Variants in NFIB observed in about 807,000 individuals in gnomAD.
NFIB encodes the protein nuclear factor I B.
In NFIB, 11 loss-of-function variants were observed where a neutral mutation model predicts 61.5. The observed-to-expected ratio is 0.18, with a 90% confidence interval of 0.11 to 0.30. The LOEUF is 0.30. Ranked by LOEUF, NFIB falls within the 10% of genes least tolerant of loss-of-function variation. The probability of loss-of-function intolerance (pLI) is 1.00; values close to 1 mark genes in which losing one functional copy is unlikely to be tolerated. For missense variants in NFIB, 471 were observed against 608.9 expected, an observed-to-expected ratio of 0.77 and a Z score of 2.38; for synonymous variants, 260 against 216.5, an observed-to-expected ratio of 1.20 and a Z score of -1.76.
At chr9:14,261,844 C>T (rs140172485) in intron 2 of NFIB, among the ~76,000 whole-genome samples, 2 of 152,218 alleles carry the variant, frequency 1.3e-5, no homozygotes, top group Admixed American at 6.5e-5. Context: ...AATGGAAATT[C>T]GGGGAAGGAA....
intron 5 of NFIB, 147 bp downstream of exon 5, chr9:14,149,998 T>A: frequency 8.4e-7 from 1 of 1,185,500 alleles, no homozygotes; most frequent in Non-Finnish European, 1.2e-6. Flanking sequence ...CAAATAAATT[T>A]AACCAGGAAA....
At chr9:14,196,744 G>T (rs892215535) in intron 2 of NFIB, among the ~76,000 whole-genome samples, 15 of 150,120 alleles carry the variant, frequency 1.0e-4, no homozygotes, top group African/African-American at 3.7e-4. Context: ...CAGAACTATG[G>T]AGTCTACAAG....
At chr9:14,237,763 A>AGTGTGTGTGTGTGTGTGT (rs71321971) in intron 2 of NFIB, among the ~76,000 whole-genome samples, 1 of 85,068 alleles carries the variant, frequency 1.2e-5, no homozygotes, top group African/African-American at 4.7e-5. Context: ...TAGGTATAAC[A>AGTGTGTGTGTGTGTGTGT]GTGTGTGTGT....
At chr9:14,436,296 T>C in the NFIB span, among the ~76,000 whole-genome samples, 1 of 152,180 alleles carries the variant, frequency 6.6e-6, no homozygotes, top group Non-Finnish European at 1.5e-5. Context: ...AAATCTTAGG[T>C]GAACATCACT....
the NFIB span, among the ~76,000 whole-genome samples, chr9:14,521,669 TAATGG>T: frequency 3.9e-5 from 6 of 152,200 alleles, no homozygotes; most frequent in Non-Finnish European, 7.3e-5. Context: ...TTTGTTCAGT[TAATGG>T]AATCTTTCAA....
At chr9:14,441,145 A>G in the NFIB span, among the ~76,000 whole-genome samples, 1 of 152,018 alleles carries the variant, frequency 6.6e-6, no homozygotes, top group African/African-American at 2.4e-5. Context: ...AAAAAAAAAA[A>G]AAAAAAAGGA....
At chr9:14,509,225 C>A in the NFIB span, among the ~76,000 whole-genome samples, 1 of 152,092 alleles carries the variant, frequency 6.6e-6, no homozygotes, top group South Asian at 2.1e-4. Context: ...CAGACACTTT[C>A]TGGATAATTT....
chr9:14,178,998 T>C (rs562221584), intron 3 of NFIB, among the ~76,000 whole-genome samples: 1 of 152,294 alleles, frequency 6.6e-6, no homozygotes, highest in South Asian at 2.1e-4. Context: ...AGCACTCTTT[T>C]ACTAAAGTCA....
At chr9:14,309,485 G>A (rs1457975505) in intron 1 of NFIB, among the ~76,000 whole-genome samples, 1 of 152,182 alleles carries the variant, frequency 6.6e-6, no homozygotes, top group Non-Finnish European at 1.5e-5. Flanking sequence ...ATACCCAAAT[G>A]CCATAGAGGA....
chr9:14,094,252 G>C (rs868064483), intron 10 of NFIB: 1 of 152,078 alleles, frequency 6.6e-6, no homozygotes, highest in Non-Finnish European at 1.5e-5. Context: ...AATTATGCAA[G>C]AGACTTTGTG....
rs941427869 is a variant in NFIB at position 14,135,041 on chromosome 9, G to A, written c.926-9275C>T. On this transcript the variant is annotated intron_variant, in intron 6 of 10. Coordinates refer to ENST00000380953, the MANE Select transcript of NFIB (RefSeq NM_001190737.2). ...TACATTCATAGAAATAGAACGCACC[G>A]AAATGCAGAAAAATACATAGAAAAA... is the stretch of plus-strand genomic sequence containing the variant. Among the ~76,000 whole-genome samples, 37 of 151,476 alleles carry A rather than the reference G, an allele frequency of 2.4e-4. 4 individuals carry two copies. The highest frequency in any genetic ancestry group is 1.4e-3 in the Admixed American group (21 of 15,190).
rs1416329736 is a variant in NFIB at position 14,082,600 on chromosome 9, T to C, written c.*5709A>G. 4.8e-6 allele frequency: 1 copy of C among 206,294 alleles called. No homozygotes were observed. Among genetic ancestry groups the C allele is most frequent in the Non-Finnish European group, 9.9e-6 (1 of 100,936 alleles). 12.8% of individuals were successfully genotyped at this position (206,294 alleles called of 1,614,324 possible). On this transcript the variant is annotated 3_prime_UTR_variant, in exon 11 of 11. Coordinates refer to ENST00000380953, the MANE Select transcript of NFIB (RefSeq NM_001190737.2). ...ATTTGAAACATATTTACAACTGAAC[T>C]CAACAGAGACTGTGAAATTGAACAG...
At chr9:14,252,583 C>T (rs2055758202) in intron 2 of NFIB, among the ~76,000 whole-genome samples, 1 of 152,036 alleles carries the variant, frequency 6.6e-6, no homozygotes, top group East Asian at 1.9e-4. Context: ...AGAAAAAGAA[C>T]TGTAATGACT....
intron 1 of NFIB, among the ~76,000 whole-genome samples, chr9:14,365,700 A>T (rs2061291730): frequency 6.6e-6 from 1 of 152,220 alleles, no homozygotes; most frequent in African/African-American, 2.4e-5. Context: ...TCATCCAACA[A>T]ACATATGCTC....
Position 14,084,931 on chromosome 9 carries a change from A to T in NFIB, c.*3378T>A, listed in dbSNP as rs1167006615. The stretch of plus-strand genomic sequence containing the variant: ...TCAAGAGGCAGGCAGGAATACCCAC[A>T]GTGTGTAACTTGGTTAGCTAGAACT... On this transcript the variant is annotated 3_prime_UTR_variant, in exon 11 of 11. Coordinates refer to ENST00000380953, the MANE Select transcript of NFIB (RefSeq NM_001190737.2). 4.3e-6 allele frequency: 1 copy of T among 230,484 alleles called. No homozygotes were observed. The highest frequency in any genetic ancestry group is 8.6e-6 in the Non-Finnish European group (1 of 116,144). The allele number at this position is 230,484 out of a possible 1,614,324, so 14.3% of individuals were successfully genotyped here. A position where few individuals can be genotyped will look rare whatever the true frequency, so the allele number is the denominator to read the frequency against.
intron 2 of NFIB, among the ~76,000 whole-genome samples, chr9:14,241,440 C>G (rs1328755432): frequency 3.3e-5 from 5 of 151,978 alleles, no homozygotes; most frequent in African/African-American, 1.2e-4. Context: ...ATTAATTTTC[C>G]TAGGGCACGT....
chr9:14,205,002 TC>T, intron 2 of NFIB: 1 of 271,734 alleles, frequency 3.7e-6, no homozygotes, highest in South Asian at 5.7e-5. Context: ...ATTGCCAAGC[TC>T]AAAAGGCAAA....
chr9:14,217,934 T>C (rs2051143437), intron 2 of NFIB, among the ~76,000 whole-genome samples: 1 of 152,076 alleles, frequency 6.6e-6, no homozygotes, highest in Non-Finnish European at 1.5e-5. Flanking sequence ...AGAAAGTAAA[T>C]ATATATGGGC....
In NFIB at chr9:14,098,654, T is replaced by A. The variant is rs901642108; in HGVS notation, c.1468-10328A>T. Among the ~76,000 whole-genome samples, 8 of 152,308 alleles carry A rather than the reference T, an allele frequency of 5.3e-5. No individual in the cohort carries two copies. In the East Asian group the frequency reaches 1.5e-3, roughly 29 times the overall value. ...ACCTTAAGCAGTTCATCACCTATCA[T>A]CCTCCTAAGATCTTGAGCCCATTCT... On this transcript the variant is annotated intron_variant, in intron 10 of 10. Transcript: ENST00000380953.
Sources: allele counts gnomAD v4.1 joint callset (sites outside exome capture counted in the v4.1 genomes callset), GRCh38; gene constraint gnomAD v4.1.1; transcripts MANE v1.5; gene names NCBI Gene and HGNC (gene_info 2026-07-23, HGNC 2026-07-21).